KMT2C: variants seen among roughly 807,000 people sequenced by gnomAD.
KMT2C encodes the protein histone-lysine N-methyltransferase 2C.
Under a neutral mutation model 507.9 loss-of-function variants are expected in KMT2C, and 88 were observed. The observed-to-expected ratio is 0.17, with a 90% CI of 0.15 to 0.21. KMT2C has a LOEUF of 0.21. Among genes scored for constraint, KMT2C ranks in the 10% least tolerant of loss-of-function variants. The pLI is 1.00. For synonymous variants in KMT2C, 2,049 were observed against 2,080.8 expected (o/e 0.98, Z 0.42); for missense variants, 4,954 against 5,957.8 (o/e 0.83, Z 5.55).
chr7:152,331,348 T>TGG (rs2096880641), intron 2 of KMT2C, among the ~76,000 whole-genome samples: 1 of 151,190 alleles, frequency 6.6e-6, no homozygotes. Flanking sequence ...CCAGGTGTAG[T>TGG]GGCTCACACA....
At chr7:152,242,985 A>G (rs2095412333) in intron 14 of KMT2C, among the ~76,000 whole-genome samples, 1 of 152,238 alleles carries the variant, frequency 6.6e-6, no homozygotes, top group Non-Finnish European at 1.5e-5. Flanking sequence ...CGAAAGGAAG[A>G]TAACTGGTAA....
At chr7:152,414,850 C>CGTTT (rs1554723440) in intron 1 of KMT2C, among the ~76,000 whole-genome samples, 2 of 139,930 alleles carry the variant, frequency 1.4e-5, no homozygotes, top group South Asian at 2.3e-4. Flanking sequence ...TACTTTCTTT[C>CGTTT]TTTTTTTTTT....
rs886250600 is a variant in KMT2C at position 152,162,123 on chromosome 7, T to C, written c.11454A>G (p.Glu3818=). Reference sequence around the variant, plus strand: ...TTTTATGATTTACACTTACCAGTCCTTCAGCTGGGTTCTGCTTCTCAACTA... The same window carrying C: ...TTTTATGATTTACACTTACCAGTCCCTCAGCTGGGTTCTGCTTCTCAACTA... ...NKLVEKQNPA[E]GLQTLGAQMQ... Residue 3818 remains glutamate (E), a synonymous_variant, in exon 43 of 59, where the codon GAA becomes GAG. Coordinates refer to ENST00000262189, the MANE Select transcript of KMT2C (RefSeq NM_170606.3). 12 of 1,550,992 alleles carry C rather than the reference T, an allele frequency of 7.7e-6. No homozygotes were observed. Among genetic ancestry groups the C allele is most frequent in the Non-Finnish European group, 9.5e-6 (11 of 1,153,570 alleles).
intron 2 of KMT2C, among the ~76,000 whole-genome samples, chr7:152,353,262 A>C (rs1260422923): frequency 6.6e-6 from 1 of 152,172 alleles, no homozygotes; most frequent in Non-Finnish European, 1.5e-5. Context: ...GTCTGCACTA[A>C]AAATACAAAA....
At chr7:152,318,582 G>A (rs1033948248) in intron 3 of KMT2C, among the ~76,000 whole-genome samples, 9 of 136,284 alleles carry the variant, frequency 6.6e-5, no homozygotes, top group Non-Finnish European at 9.1e-5. Context: ...AGCCGAGATC[G>A]CACCACTGCC....
chr7:152,147,481 T>G (rs970030681), intron 52 of KMT2C, among the ~76,000 whole-genome samples: 23 of 151,968 alleles, frequency 1.5e-4, no homozygotes, highest in African/African-American at 5.5e-4. Context: ...GTCAGGAGTT[T>G]GAGCCCAGCC....
chr7:152,334,974 G>C (rs749609026), intron 2 of KMT2C, among the ~76,000 whole-genome samples: 2 of 152,130 alleles, frequency 1.3e-5, no homozygotes, highest in South Asian at 2.1e-4. Context: ...AAGAATTGCC[G>C]TAACAAAATC....
At chr7:152,178,227 T>C (rs1215750568) in intron 37 of KMT2C, among the ~76,000 whole-genome samples, 1 of 152,078 alleles carries the variant, frequency 6.6e-6, no homozygotes, top group African/African-American at 2.4e-5. Context: ...GAACACCATA[T>C]CTGAGCTCTA....
chr7:152,187,494 T>A lies in KMT2C; in HGVS notation c.4794-18A>T. The A allele has an allele frequency of 6.3e-7, 1 of 1,591,426 alleles. No individual in the cohort carries two copies. The highest frequency in any genetic ancestry group is 2.2e-5 in the East Asian group (1 of 44,732). On this transcript the variant is annotated intron_variant, in intron 32 of 58. Transcript: ENST00000262189. ...TTTTATCCCTGGGAAAAAATAAATA[T>A]CTTTACTTTATGAACATAAAATAAC...
intron 8 of KMT2C, among the ~76,000 whole-genome samples, chr7:152,263,536 G>A (rs2095814710): frequency 6.6e-6 from 1 of 152,134 alleles, no homozygotes; most frequent in Non-Finnish European, 1.5e-5. Flanking sequence ...GATCAAATTT[G>A]GCATCAGATC....
intron 6 of KMT2C, among the ~76,000 whole-genome samples, chr7:152,280,560 C>A (rs953485413): frequency 1.7e-4 from 26 of 151,624 alleles, no homozygotes; most frequent in African/African-American, 6.3e-4. Flanking sequence ...AAGAAAATGG[C>A]GAGCTCAGCC....
chr7:152,222,963 CAGAA>C (rs1470513128), intron 20 of KMT2C, among the ~76,000 whole-genome samples: 6 of 152,108 alleles, frequency 3.9e-5, no homozygotes, highest in Non-Finnish European at 7.4e-5. Context: ...ATTTCAAAGA[CAGAA>C]AGGAAGCTAG....
At chr7:152,174,516 C>G (rs1298840602) in intron 38 of KMT2C, among the ~76,000 whole-genome samples, 1 of 152,078 alleles carries the variant, frequency 6.6e-6, no homozygotes, top group Admixed American at 6.5e-5. Context: ...TCCTTTCATC[C>G]AAACTTTTGC....
intron 6 of KMT2C, among the ~76,000 whole-genome samples, chr7:152,303,459 C>T (rs1285572901): frequency 6.6e-6 from 1 of 152,276 alleles, no homozygotes; most frequent in East Asian, 1.9e-4. Context: ...AAATTTTGCC[C>T]TTCATTGACA....
At chr7:152,272,438 C>T (rs1305732128) in intron 7 of KMT2C, among the ~76,000 whole-genome samples, 2 of 152,122 alleles carry the variant, frequency 1.3e-5, no homozygotes, top group African/African-American at 2.4e-5. Context: ...CCTATATACA[C>T]ACAAAATTGT....
chr7:152,370,446 T>G (rs1240937855), intron 1 of KMT2C, among the ~76,000 whole-genome samples: 3 of 152,186 alleles, frequency 2.0e-5, no homozygotes, highest in Non-Finnish European at 2.9e-5. Flanking sequence ...TTTAAGATGA[T>G]GTAACACCAA....
intron 2 of KMT2C, among the ~76,000 whole-genome samples, chr7:152,344,634 A>G (rs1021358308): frequency 2.6e-5 from 4 of 152,038 alleles, no homozygotes; most frequent in Admixed American, 6.6e-5. Flanking sequence ...CAAAAAAAAA[A>G]AGAGAGAACT....
rs775358053 is a variant in KMT2C at position 152,309,954 on chromosome 7, T to C, written c.849+12A>G. The C allele has an allele frequency of 1.3e-6, 2 of 1,487,784 alleles. No individual in the cohort carries two copies. Among genetic ancestry groups the C allele is most frequent in the Non-Finnish European group, 9.3e-7 (1 of 1,069,782 alleles). The allele number at this position is 1,487,784 out of a possible 1,614,324, so 92.2% of individuals were successfully genotyped here. A position where few individuals can be genotyped will look rare whatever the true frequency, so the allele number is the denominator to read the frequency against. ...TAAAACTATGATTTAAATATTTGCT[T>C]TGTCTACTTACTTCTGTGCTCCCTG... On this transcript the variant is annotated intron_variant, in intron 6 of 58. Coordinates refer to ENST00000262189, the MANE Select transcript of KMT2C (RefSeq NM_170606.3).
chr7:152,308,673 C>CAAAAAAA lies in KMT2C; in HGVS notation c.849+1286_849+1292dup, dbSNP rs938826373. ...CTGCACAACACAGCAAAACTCCTCT[C>CAAAAAAA]AAAAAAAAAAAAAAAAAAAAAAAAA... On this transcript the variant is annotated intron_variant, in intron 6 of 58. Coordinates refer to ENST00000262189, the MANE Select transcript of KMT2C (RefSeq NM_170606.3). Among the ~76,000 whole-genome samples, 39 of 24,564 alleles carry CAAAAAAA rather than the reference C, an allele frequency of 1.6e-3. 5 individuals are homozygous for CAAAAAAA. Among genetic ancestry groups the CAAAAAAA allele is most frequent in the African/African-American group, 5.2e-3 (35 of 6,728 alleles). 16.1% of individuals were successfully genotyped at this position (24,564 alleles called of 152,430 possible). A position where few individuals can be genotyped will look rare whatever the true frequency, so the allele number is the denominator to read the frequency against.
Sources: gnomAD v4.1 joint callset for allele counts (sites outside exome capture counted in the v4.1 genomes callset) on GRCh38, gnomAD v4.1.1 for gene constraint, MANE v1.5 for transcripts, NCBI Gene and HGNC (gene_info 2026-07-23, HGNC 2026-07-21) for gene names.